ANKRD36: variants seen among roughly 807,000 people sequenced by gnomAD.
ANKRD36 encodes ankyrin repeat domain 36.
In ANKRD36, 179 loss-of-function variants were observed where a neutral mutation model predicts 278.1. That is an observed-to-expected ratio of 0.64 (90% confidence interval 0.57 to 0.73). The LOEUF (loss-of-function observed/expected upper bound fraction) is 0.73, where lower values mean the gene tolerates loss of function less well. ANKRD36 is among the 30% of genes least tolerant of loss of function. The probability of loss-of-function intolerance (pLI) is 0.00; values close to 1 mark genes in which losing one functional copy is unlikely to be tolerated. For missense variants in ANKRD36, 1,159 were observed against 1,956.7 expected, an observed-to-expected ratio of 0.59 and a Z score of 7.69; for synonymous variants, 320 against 641.1, an observed-to-expected ratio of 0.50 and a Z score of 7.57.
At chr2:97,118,275 T>C (rs2036036524) in intron 2 of ANKRD36, 69 bp from the exon 3 acceptor site, 5 of 1,608,364 alleles carry the variant, frequency 3.1e-6, no homozygotes, top group South Asian at 1.1e-5. Context: ...ATATAACTAG[T>C]AGGAAATCCT....
At position 97,209,889 on chromosome 2, in the gene ANKRD36, A is replaced by G. The variant is rs2063921023; in HGVS notation, c.3367+17A>G. 1 of 1,562,892 alleles carries G rather than the reference A, an allele frequency of 6.4e-7. No homozygotes were observed. Among genetic ancestry groups the G allele is most frequent in the East Asian group, 2.4e-5 (1 of 41,612 alleles). On this transcript the variant is annotated intron_variant, in intron 56 of 75. Coordinates refer to ENST00000420699, the MANE Select transcript of ANKRD36 (RefSeq NM_001354587.1). Reference sequence around the variant, plus strand: ...CTAGGACAGGTAATTTTGAAAACAGATTTAATGTCATGTTCAGTCCAGATA... The same window carrying G: ...CTAGGACAGGTAATTTTGAAAACAGGTTTAATGTCATGTTCAGTCCAGATA...
chr2:97,145,381 T>C (rs1384228389), intron 10 of ANKRD36, among the ~76,000 whole-genome samples: 1 of 151,988 alleles, frequency 6.6e-6, no homozygotes, highest in Non-Finnish European at 1.5e-5. Context: ...TTTGTTATTA[T>C]TGGGCATCAG....
At chr2:97,199,465 C>T (rs545663387) in intron 44 of ANKRD36, among the ~76,000 whole-genome samples, 12 of 151,982 alleles carry the variant, frequency 7.9e-5, no homozygotes, top group East Asian at 3.9e-4. Flanking sequence ...GAGAATAACA[C>T]GATACTCCCA....
chr2:97,199,699 G>C (rs1278477164), intron 44 of ANKRD36, among the ~76,000 whole-genome samples: 2 of 152,010 alleles, frequency 1.3e-5, no homozygotes, highest in East Asian at 3.9e-4. Flanking sequence ...GAAACTTTCG[G>C]AAGGGTAAAC....
intron 52 of ANKRD36, 143 bp downstream of exon 52, chr2:97,206,278 G>C: frequency 9.7e-7 from 1 of 1,026,954 alleles, no homozygotes; most frequent in Non-Finnish European, 1.4e-6. Flanking sequence ...GTACGTTCTT[G>C]GGTGATGCTG....
At chr2:97,192,261 T>G (rs1283715383) in intron 36 of ANKRD36, among the ~76,000 whole-genome samples, 6 of 151,698 alleles carry the variant, frequency 4.0e-5, no homozygotes, top group African/African-American at 1.4e-4. Flanking sequence ...TTAAGCAAAT[T>G]ATTACACCAC....
chr2:97,142,835 G>C lies in ANKRD36; in HGVS notation c.901G>C (p.Val301Leu). The change falls in exon 8 of 76, where the codon GTG (valine) becomes CTG (leucine). Residue 301 changes from valine to leucine, a missense_variant and splice_region_variant. By Grantham distance (32) the Val-to-Leu change is conservative. Coordinates refer to ENST00000420699, the MANE Select transcript of ANKRD36 (RefSeq NM_001354587.1). ...EIKDGQKSGTVSSQKQPALKD... is the reference protein window; with the variant it reads ...EIKDGQKSGTLSSQKQPALKD... ...AAAGGATGGACAAAAATCTGGGACA[G>C]GTATTTTGGAATACACATTTAATGT... 1 of 1,557,840 alleles carries C rather than the reference G, an allele frequency of 6.4e-7. No individual in the cohort carries two copies. Among genetic ancestry groups the C allele is most frequent in the Non-Finnish European group, 8.7e-7 (1 of 1,151,646 alleles).
At chr2:97,232,404 T>TA (rs936087074) in intron 67 of ANKRD36, among the ~76,000 whole-genome samples, 4 of 135,332 alleles carry the variant, frequency 3.0e-5, no homozygotes, top group Admixed American at 1.5e-4. Context: ...CAAACTAGGG[T>TA]AAAAAAAACC....
intron 48 of ANKRD36, among the ~76,000 whole-genome samples, chr2:97,203,016 A>G (rs1165136090): frequency 2.6e-5 from 4 of 151,920 alleles, no homozygotes; most frequent in Non-Finnish European, 5.9e-5. Flanking sequence ...CAATCCTAGA[A>G]CTGGCATAGA....
In ANKRD36 at chr2:97,215,630, T is replaced by TG. The variant is rs1226105325; in HGVS notation, c.3673+133_3673+134insG. The TG allele has an allele frequency of 5.2e-6, 8 of 1,550,982 alleles. No individual in the cohort carries two copies. In the East Asian group the frequency reaches 2.0e-4, roughly 38 times the overall value. On this transcript the variant is annotated intron_variant, in intron 62 of 75. Coordinates refer to ENST00000420699, the MANE Select transcript of ANKRD36 (RefSeq NM_001354587.1). ...CATGCCTGAGATTCTTCATTTGTAA[T>TG]AAGTCCTCAGGTGACCCTGATGGTG...
intron 38 of ANKRD36, among the ~76,000 whole-genome samples, chr2:97,193,887 A>G (rs2059089454): frequency 6.6e-6 from 1 of 151,734 alleles, no homozygotes; most frequent in African/African-American, 2.4e-5. Context: ...TATTTTAGAC[A>G]CAAGAATGAT....
intron 1 of ANKRD36, among the ~76,000 whole-genome samples, chr2:97,116,306 C>T (rs2035330717): frequency 6.6e-6 from 1 of 152,058 alleles, no homozygotes; most frequent in Non-Finnish European, 1.5e-5. Context: ...GATGGAGTCT[C>T]ACCCTGTTGC....
At chr2:97,150,781 T>C (rs1226056285) in intron 12 of ANKRD36, among the ~76,000 whole-genome samples, 1 of 152,282 alleles carries the variant, frequency 6.6e-6, no homozygotes, top group Non-Finnish European at 1.5e-5. Context: ...AATCATGTTC[T>C]ATTAAATACC....
intron 46 of ANKRD36, among the ~76,000 whole-genome samples, chr2:97,201,741 T>C (rs2061430645): frequency 6.6e-6 from 1 of 151,928 alleles, no homozygotes; most frequent in East Asian, 1.9e-4. Context: ...TCATCGCAAT[T>C]GTGTGCCTTC....
intron 15 of ANKRD36, among the ~76,000 whole-genome samples, chr2:97,156,673 AT>A (rs1200822637): frequency 5.1e-5 from 7 of 138,110 alleles, no homozygotes; most frequent in African/African-American, 1.8e-4. Context: ...TAGTGCCGCA[AT>A]AAACATACGT....
intron 4 of ANKRD36, 86 bp from the exon 5 acceptor site, chr2:97,124,374 A>G: frequency 2.0e-6 from 3 of 1,464,620 alleles, no homozygotes; most frequent in South Asian, 1.5e-5. Context: ...TTCTACATGG[A>G]CAGGCAACAT....
intron 67 of ANKRD36, among the ~76,000 whole-genome samples, chr2:97,227,292 T>C (rs1295366276): frequency 6.6e-6 from 1 of 152,084 alleles, no homozygotes; most frequent in Non-Finnish European, 1.5e-5. Context: ...TGTATCCTCT[T>C]TTATTTCCTT....
At chr2:97,145,644 TA>T (rs891934649) in intron 10 of ANKRD36, among the ~76,000 whole-genome samples, 8 of 152,108 alleles carry the variant, frequency 5.3e-5, no homozygotes, top group Non-Finnish European at 1.2e-4. Context: ...TATTCAGATC[TA>T]ATGCTTGTAG....
At chr2:97,204,519 T>C (rs1227954867) in intron 50 of ANKRD36, among the ~76,000 whole-genome samples, 1 of 151,348 alleles carries the variant, frequency 6.6e-6, no homozygotes, top group Non-Finnish European at 1.5e-5. Flanking sequence ...CATAAGGGGC[T>C]CCGGGGAACA....
Sources: gnomAD v4.1 joint callset for allele counts (sites outside exome capture counted in the v4.1 genomes callset) on GRCh38, gnomAD v4.1.1 for gene constraint, MANE v1.5 for transcripts, NCBI Gene and HGNC (gene_info 2026-07-23, HGNC 2026-07-21) for gene names.